Variants in CCDC148 observed in about 807,000 individuals in gnomAD.
CCDC148 encodes the protein coiled-coil domain-containing protein 148.
In CCDC148, 89 loss-of-function variants were observed where a neutral mutation model predicts 85.7. The observed-to-expected ratio is 1.04, with a 90% CI of 0.87 to 1.24. The LOEUF (loss-of-function observed/expected upper bound fraction) is 1.24, where lower values mean the gene tolerates loss of function less well. Ranked by LOEUF, CCDC148 falls within the 50% of genes most tolerant of loss-of-function variation. The probability of loss-of-function intolerance (pLI) is 0.00; values close to 1 mark genes in which losing one functional copy is unlikely to be tolerated. For synonymous variants in CCDC148, 230 were observed against 213.9 expected (o/e 1.08, Z -0.66); for missense variants, 692 against 671.7 (o/e 1.03, Z -0.33).
At chr2:158,288,724 G>T (rs1690749764) in intron 9 of CCDC148, 1 of 398,286 alleles carries the variant, frequency 2.5e-6, no homozygotes, top group Non-Finnish European at 4.9e-6. Context: ...CCTGATACCA[G>T]TTCCAAAGTC....
chr2:158,208,803 C>A (rs1235285978), intron 11 of CCDC148, among the ~76,000 whole-genome samples: 1 of 152,104 alleles, frequency 6.6e-6, no homozygotes, highest in Non-Finnish European at 1.5e-5. Flanking sequence ...CCACAAAAAT[C>A]TTTTTACCAC....
At chr2:158,444,015 G>A (rs1204295321) in intron 1 of CCDC148, among the ~76,000 whole-genome samples, 1 of 152,162 alleles carries the variant, frequency 6.6e-6, no homozygotes, top group Non-Finnish European at 1.5e-5. Flanking sequence ...AAATACGTCA[G>A]GCTATCACTT....
At chr2:158,303,260 TCA>T (rs1691532026) in intron 9 of CCDC148, among the ~76,000 whole-genome samples, 2 of 152,186 alleles carry the variant, frequency 1.3e-5, no homozygotes, top group South Asian at 4.1e-4. Flanking sequence ...GTAATATTTT[TCA>T]CACTCTGTGG....
intron 1 of CCDC148, among the ~76,000 whole-genome samples, chr2:158,437,971 AAG>A (rs896586764): frequency 6.6e-6 from 1 of 152,190 alleles, no homozygotes; most frequent in African/African-American, 2.4e-5. Context: ...AATGAAATAA[AAG>A]AGGATACAAA....
intron 11 of CCDC148, among the ~76,000 whole-genome samples, chr2:158,186,873 C>A (rs2105268937): frequency 6.6e-6 from 1 of 152,162 alleles, no homozygotes. Context: ...CTCTCCCCAG[C>A]TTTGGAGCCC....
chr2:158,228,019 C>G (rs894697716), intron 10 of CCDC148, among the ~76,000 whole-genome samples: 1 of 152,146 alleles, frequency 6.6e-6, no homozygotes, highest in Non-Finnish European at 1.5e-5. Context: ...AGGGAACAGA[C>G]AACCTACAGA....
chr2:158,331,791 G>T (rs1469210585), intron 7 of CCDC148, among the ~76,000 whole-genome samples: 1 of 152,070 alleles, frequency 6.6e-6, no homozygotes, highest in Non-Finnish European at 1.5e-5. Flanking sequence ...GATCTTTGTT[G>T]GTTTAAAGTC....
intron 1 of CCDC148, among the ~76,000 whole-genome samples, chr2:158,439,362 A>T (rs948743450): frequency 6.6e-6 from 1 of 152,184 alleles, no homozygotes; most frequent in Admixed American, 6.5e-5. Context: ...CATTCTCAGG[A>T]AACTATTGCA....
Position 158,297,348 on chromosome 2 carries a change from C to T in CCDC148, c.1110+12085G>A, listed in dbSNP as rs532560001. On this transcript the variant is annotated intron_variant, in intron 9 of 13. Transcript: ENST00000283233. ...AGTAAATTACATCTATAGATGTTGA[C>T]ATATCATTATTATATGCATCTCCTT... Among the ~76,000 whole-genome samples, 4 of 152,254 alleles carry T rather than the reference C, an allele frequency of 2.6e-5. No individual in the cohort carries two copies. In the South Asian group the frequency reaches 6.2e-4, roughly 24 times the overall value.
intron 10 of CCDC148, among the ~76,000 whole-genome samples, chr2:158,233,899 T>C (rs1687973065): frequency 6.6e-6 from 1 of 152,078 alleles, no homozygotes; most frequent in Admixed American, 6.6e-5. Context: ...GGCTTCAGGT[T>C]GGGTGCAGTG....
In CCDC148 at chr2:158,313,899, A is replaced by C; in HGVS notation, c.765-5T>G. 1 of 1,609,688 alleles carries C rather than the reference A, an allele frequency of 6.2e-7. No homozygotes were observed. The highest frequency in any genetic ancestry group is 1.7e-4 in the Middle Eastern group (1 of 6,046). ...TCTTCACTTAGTTGACAGTTTCTAG[A>C]AGCAACAAAAATGTCACAACATATT... On this transcript the variant is annotated splice_polypyrimidine_tract_variant and splice_region_variant and intron_variant, in intron 7 of 13. Transcript: ENST00000283233.
At chr2:158,290,168 G>T (rs367830169) in intron 9 of CCDC148, among the ~76,000 whole-genome samples, 186 of 152,326 alleles carry the variant, frequency 1.2e-3, no homozygotes, top group African/African-American at 4.2e-3. Context: ...GGAGCTGAAG[G>T]ATGGCAGGTG....
chr2:158,328,304 C>A (rs6724154), intron 7 of CCDC148, among the ~76,000 whole-genome samples: 3 of 152,030 alleles, frequency 2.0e-5, no homozygotes, highest in Non-Finnish European at 2.9e-5. Flanking sequence ...GAGAATGATG[C>A]TTTCCAGCTT....
chr2:158,413,551 C>A (rs1183219878), intron 1 of CCDC148, among the ~76,000 whole-genome samples: 1 of 151,736 alleles, frequency 6.6e-6, no homozygotes, highest in Admixed American at 6.6e-5. Context: ...GAGTAAGACA[C>A]ATTTCCTACA....
intron 7 of CCDC148, among the ~76,000 whole-genome samples, chr2:158,338,063 T>C (rs1211469862): frequency 6.6e-6 from 1 of 152,136 alleles, no homozygotes; most frequent in Non-Finnish European, 1.5e-5. Flanking sequence ...AAATGTCCCC[T>C]AGATGCTTCA....
intron 11 of CCDC148, among the ~76,000 whole-genome samples, chr2:158,204,874 T>C (rs1686157875): frequency 6.6e-6 from 1 of 152,138 alleles, no homozygotes; most frequent in South Asian, 2.1e-4. Flanking sequence ...ACAGGAATGT[T>C]CCCAGTAGAA....
At chr2:158,331,491 G>T (rs1329478133) in intron 7 of CCDC148, among the ~76,000 whole-genome samples, 2 of 152,196 alleles carry the variant, frequency 1.3e-5, no homozygotes, top group African/African-American at 2.4e-5. Flanking sequence ...CTGTTGATTT[G>T]GGGTGGAGAG....
At chr2:158,454,307 G>T (rs569880295) in intron 1 of CCDC148, among the ~76,000 whole-genome samples, 1 of 152,328 alleles carries the variant, frequency 6.6e-6, no homozygotes, top group African/African-American at 2.4e-5. Flanking sequence ...TATTTGGAAG[G>T]CTTAGGAAAA....
At position 158,456,422 on chromosome 2, in the gene CCDC148, A is replaced by C; in HGVS notation, c.18T>G (p.Ala6=). MCAAS[A]SPDNLVFHMK... ...GATGGGGTGCAAACTCACCTGGAGA[A>C]GCAGAAGCTGCACACATGTCAAAGG... The change falls in exon 1 of 14, where the codon GCT becomes GCG. Residue 6 remains alanine, a synonymous_variant. Transcript: ENST00000283233. The C allele has an allele frequency of 6.2e-7, 1 of 1,611,952 alleles. No homozygotes were observed. Among genetic ancestry groups the C allele is most frequent in the Non-Finnish European group, 8.5e-7 (1 of 1,179,188 alleles).
Sources: gnomAD v4.1 joint callset for allele counts (sites outside exome capture counted in the v4.1 genomes callset) on GRCh38, gnomAD v4.1.1 for gene constraint, MANE v1.5 for transcripts, NCBI Gene and HGNC (gene_info 2026-07-23, HGNC 2026-07-21) for gene names.